The following RBFOX1 variants were observed in gnomAD, a reference collection of about 807,000 sequenced individuals.
RBFOX1 encodes RNA binding fox-1 homolog 1, also known as RNA binding protein fox-1 homolog 1.
Under a neutral mutation model 57.7 loss-of-function variants are expected in RBFOX1, and 8 were observed. The observed-to-expected ratio is 0.14, with a 90% CI of 0.08 to 0.25. The LOEUF (loss-of-function observed/expected upper bound fraction) is 0.25, where lower values mean the gene tolerates loss of function less well. RBFOX1 is among the 10% of genes least tolerant of loss of function. The pLI is 1.00. For missense variants in RBFOX1, 611 were observed against 548.5 expected, an observed-to-expected ratio of 1.11 and a Z score of -1.14; for synonymous variants, 326 against 222.4, an observed-to-expected ratio of 1.47 and a Z score of -4.15.
chr16:7,005,216 A>G (rs1459891482), intron 3 of RBFOX1, among the ~76,000 whole-genome samples: 1 of 152,154 alleles, frequency 6.6e-6, no homozygotes, highest in East Asian at 1.9e-4. Flanking sequence ...TGTGTGTGGG[A>G]CATACAGTAT....
In RBFOX1 at chr16:6,173,130, C is replaced by T. The variant is rs554131213; in HGVS notation, c.-126-143865C>T. Among the ~76,000 whole-genome samples the T allele has an allele frequency of 3.3e-5, 5 of 152,226 alleles. No individual in the cohort carries two copies. In the South Asian group the frequency reaches 6.2e-4, roughly 19 times the overall value. ...GACTAATTTTTCCCATTTCAAGATC[C>T]TTAACTTAGTCTCATCTGCAAAGTC... On this transcript the variant is annotated intron_variant, in intron 1 of 15. Transcript: ENST00000550418.
At chr16:6,961,689 C>G (rs1306807890) in intron 3 of RBFOX1, among the ~76,000 whole-genome samples, 1 of 152,130 alleles carries the variant, frequency 6.6e-6, no homozygotes, top group Non-Finnish European at 1.5e-5. Context: ...GGGACTTCCT[C>G]TGGAGGTGAG....
At chr16:5,357,001 A>C (rs2065407279) in intron 1 of RBFOX1, among the ~76,000 whole-genome samples, 1 of 152,216 alleles carries the variant, frequency 6.6e-6, no homozygotes, top group African/African-American at 2.4e-5. Flanking sequence ...ATTTCCATCC[A>C]GTAGATAAGG....
chr16:5,804,968 A>C (rs987967450), intron 3 of RBFOX1, among the ~76,000 whole-genome samples: 1 of 152,176 alleles, frequency 6.6e-6, no homozygotes, highest in Non-Finnish European at 1.5e-5. Context: ...CTAAAACTGC[A>C]GTATATTGGA....
intron 4 of RBFOX1, among the ~76,000 whole-genome samples, chr16:7,486,117 C>CTTTTT (rs61448458): frequency 7.4e-4 from 57 of 77,320 alleles, no homozygotes; most frequent in East Asian, 1.4e-3. Flanking sequence ...GTGTTTGTGT[C>CTTTTT]TTTTTTTTTT....
intron 5 of RBFOX1, among the ~76,000 whole-genome samples, chr16:7,563,008 G>T (rs1567842413): frequency 6.6e-6 from 1 of 152,088 alleles, no homozygotes; most frequent in African/African-American, 2.4e-5. Flanking sequence ...GCAATGCCAG[G>T]GCTCTAAGCC....
At chr16:6,325,116 G>C (rs574668598) in intron 2 of RBFOX1, among the ~76,000 whole-genome samples, 10 of 152,194 alleles carry the variant, frequency 6.6e-5, no homozygotes, top group Non-Finnish European at 1.3e-4. Context: ...AGAACTTTGG[G>C]AGGCTGAGGT....
chr16:7,114,912 TTGTC>T (rs2065560835), intron 4 of RBFOX1, among the ~76,000 whole-genome samples: 1 of 152,048 alleles, frequency 6.6e-6, no homozygotes, highest in South Asian at 2.1e-4. Context: ...ATTTGGAAAA[TTGTC>T]TGGGAAGGGT....
chr16:7,322,347 A>G (rs2096556569), intron 4 of RBFOX1, among the ~76,000 whole-genome samples: 3 of 152,230 alleles, frequency 2.0e-5, no homozygotes, highest in African/African-American at 7.2e-5. Context: ...GCTGTGGTGA[A>G]TGCTGACTGG....
At chr16:5,497,317 A>G (rs778182065) in intron 2 of RBFOX1, among the ~76,000 whole-genome samples, 7 of 151,920 alleles carry the variant, frequency 4.6e-5, no homozygotes, top group Non-Finnish European at 7.4e-5. Context: ...CCTGCTGTGA[A>G]GTTCTCGGTG....
chr16:5,766,854 C>T (rs1174199195), intron 3 of RBFOX1, among the ~76,000 whole-genome samples: 1 of 152,198 alleles, frequency 6.6e-6, no homozygotes, highest in East Asian at 1.9e-4. Flanking sequence ...ACTTTATTTC[C>T]CTTAGCCTTT....
chr16:5,662,115 T>G (rs969143772), intron 3 of RBFOX1, among the ~76,000 whole-genome samples: 4 of 152,176 alleles, frequency 2.6e-5, no homozygotes, highest in African/African-American at 9.7e-5. Context: ...AACTGAAAGT[T>G]TGGACCCTTT....
At chr16:6,936,834 G>T (rs2077447047) in intron 3 of RBFOX1, among the ~76,000 whole-genome samples, 1 of 151,418 alleles carries the variant, frequency 6.6e-6, no homozygotes, top group African/African-American at 2.4e-5. Flanking sequence ...CTTTCCGAAT[G>T]CTCAAAAACA....
intron 4 of RBFOX1, among the ~76,000 whole-genome samples, chr16:7,217,040 CCTCCCTCCCTCCCTCT>C (rs2092206736): frequency 1.7e-5 from 2 of 118,414 alleles, no homozygotes; most frequent in African/African-American, 3.2e-5. Flanking sequence ...TCCCTCCCTC[CCTCCCTCCCTCCCTCT>C]CTCTCCCTCT....
intron 1 of RBFOX1, among the ~76,000 whole-genome samples, chr16:5,287,001 G>C (rs1257959119): frequency 6.6e-6 from 1 of 152,180 alleles, no homozygotes; most frequent in East Asian, 1.9e-4. Flanking sequence ...GAATAAAATA[G>C]GGTTTCTATT....
chr16:5,679,631 G>C (rs1398432616), intron 3 of RBFOX1, among the ~76,000 whole-genome samples: 9 of 152,098 alleles, frequency 5.9e-5, no homozygotes, highest in Non-Finnish European at 1.0e-4. Context: ...GTGTTAGTTT[G>C]CTGAGAATGA....
intron 14 of RBFOX1, among the ~76,000 whole-genome samples, chr16:7,678,671 A>G (rs1278749523): frequency 6.6e-6 from 1 of 152,184 alleles, no homozygotes; most frequent in African/African-American, 2.4e-5. Flanking sequence ...CTTCAATAAG[A>G]CTGGTCTAGA....
intron 3 of RBFOX1, among the ~76,000 whole-genome samples, chr16:5,787,018 C>T (rs192052352): frequency 6.6e-6 from 1 of 152,168 alleles, no homozygotes; most frequent in Non-Finnish European, 1.5e-5. Flanking sequence ...TGCCTGTAAT[C>T]TCAGCTCCTT....
intron 2 of RBFOX1, among the ~76,000 whole-genome samples, chr16:5,534,369 G>C (rs1057112217): frequency 6.6e-6 from 1 of 152,190 alleles, no homozygotes; most frequent in Non-Finnish European, 1.5e-5. Flanking sequence ...CTGTCTTCAA[G>C]CTGTGGAAGA....
Sources: allele counts gnomAD v4.1 joint callset (sites outside exome capture counted in the v4.1 genomes callset), GRCh38; gene constraint gnomAD v4.1.1; transcripts MANE v1.5; gene names NCBI Gene and HGNC (gene_info 2026-07-23, HGNC 2026-07-21).